The following DNAAF4 variants were observed in gnomAD, a reference collection of about 807,000 sequenced individuals.
DNAAF4 encodes the protein dynein assembly factor 4, axonemal.
DNAAF4 carries 43 observed loss-of-function variants against 51.8 expected under a neutral mutation model. The ratio of observed to expected loss-of-function variants is 0.83; its 90% CI spans 0.65 to 1.07. DNAAF4 has a LOEUF of 1.07. Among genes scored for constraint, DNAAF4 ranks in the 50% least tolerant of loss-of-function variants. DNAAF4 has a pLI of 0.00. For missense variants in DNAAF4, 581 were observed against 493.0 expected (o/e 1.18, Z -1.69); for synonymous variants, 194 against 165.6 (o/e 1.17, Z -1.32).
Position 55,483,833 on chromosome 15 carries a change from CTTT to C in DNAAF4, c.405+7287_405+7289del, listed in dbSNP as rs71105887. Among the ~76,000 whole-genome samples the C allele has an allele frequency of 3.6e-4, 30 of 82,446 alleles. No homozygotes were observed. The East Asian group carries it at 5.6e-3, about 15-fold the overall frequency. 54.1% of individuals were successfully genotyped at this position (82,446 alleles called of 152,430 possible). Reference sequence around the variant, plus strand: ...GAGCCATCACACCCAGCCAATAAAGCTTTTTTTTTTTTTTTTTTTTTTTTTTTT... The same window carrying C: ...GAGCCATCACACCCAGCCAATAAAGCTTTTTTTTTTTTTTTTTTTTTTTTT... On this transcript the variant is annotated intron_variant, in intron 4 of 9. Transcript: ENST00000321149.
intron 7 of DNAAF4, chr15:55,418,146 A>T: frequency 6.4e-7 from 1 of 1,569,678 alleles, no homozygotes; most frequent in Non-Finnish European, 8.6e-7. Flanking sequence ...GAAAAAGGGA[A>T]GTGGGTGGGA....
intron 4 of DNAAF4, among the ~76,000 whole-genome samples, chr15:55,469,471 A>ATTTT (rs1567021420): frequency 2.4e-4 from 17 of 70,402 alleles, no homozygotes; most frequent in South Asian, 4.8e-4. Flanking sequence ...ATGCTTACCA[A>ATTTT]TTCTTTTTTT....
At chr15:55,482,258 G>A (rs533075728) in intron 4 of DNAAF4, among the ~76,000 whole-genome samples, 1 of 152,290 alleles carries the variant, frequency 6.6e-6, no homozygotes, top group East Asian at 1.9e-4. Flanking sequence ...ATCATACATT[G>A]TTGGTGGGAA....
In DNAAF4 at chr15:55,434,926, C is replaced by T. The variant is rs747347407; in HGVS notation, c.1026G>A (p.Lys342=). 5.6e-6 allele frequency: 9 copies of T among 1,610,500 alleles called. No individual in the cohort carries two copies. Among genetic ancestry groups the T allele is most frequent in the Admixed American group, 3.4e-5 (2 of 59,056 alleles). The change falls in exon 8 of 10, where the codon AAG becomes AAA. Residue 342 remains lysine, a synonymous_variant. Transcript: ENST00000321149. ...ATACCTTAGAAGAATCTTCAATAGC[C>T]TTGTGTAAGTTTTTTAGTTTTAGGT... The part of the protein sequence containing the change: ...ACHLKLKNLH[K]AIEDSSKALE...
intron 7 of DNAAF4, among the ~76,000 whole-genome samples, chr15:55,424,672 C>A (rs2141385146): frequency 6.6e-6 from 1 of 152,326 alleles, no homozygotes; most frequent in South Asian, 2.1e-4. Flanking sequence ...AAGCGATTCT[C>A]CTGCCTCAGC....
rs1031868618 is a variant in DNAAF4, at chr15:55,491,264, G to C, written c.272-8C>G. 3 of 1,607,126 alleles carry C rather than the reference G, an allele frequency of 1.9e-6. No individual in the cohort carries two copies. Among genetic ancestry groups the C allele is most frequent in the Non-Finnish European group, 2.5e-6 (3 of 1,177,312 alleles). ...GCATCATCTCTTTGTCAACTAAAAT[G>C]TACAGAATATTGCTAAATTAGAATT... On this transcript the variant is annotated splice_polypyrimidine_tract_variant and splice_region_variant and intron_variant, in intron 3 of 9. Coordinates refer to ENST00000321149, the MANE Select transcript of DNAAF4 (RefSeq NM_130810.4).
At chr15:55,438,778 C>T (rs1482249101) in intron 7 of DNAAF4, among the ~76,000 whole-genome samples, 1 of 147,626 alleles carries the variant, frequency 6.8e-6, no homozygotes, top group African/African-American at 2.5e-5. Context: ...AAATGAGACA[C>T]TATCTCACAA....
chr15:55,445,267 C>G (rs917893697), intron 6 of DNAAF4, among the ~76,000 whole-genome samples: 28 of 152,014 alleles, frequency 1.8e-4, no homozygotes, highest in Middle Eastern at 6.8e-3. Flanking sequence ...TGCCTTCAAG[C>G]GTCTGTTTAA....
intron 7 of DNAAF4, chr15:55,418,618 G>A (rs1320715774): frequency 3.2e-6 from 4 of 1,251,100 alleles, no homozygotes; most frequent in Non-Finnish European, 4.3e-6. Context: ...CGGGAAAAAT[G>A]AGTGTTAAAT....
intron 7 of DNAAF4, among the ~76,000 whole-genome samples, chr15:55,419,328 T>C (rs1289645027): frequency 6.6e-6 from 1 of 152,078 alleles, no homozygotes; most frequent in Non-Finnish European, 1.5e-5. Context: ...GGGCTCAAAC[T>C]ATCCCCCACC....
downstream of DNAAF4, among the ~76,000 whole-genome samples, chr15:55,426,572 G>T (rs1010959249): frequency 2.6e-5 from 4 of 152,128 alleles, no homozygotes; most frequent in Non-Finnish European, 4.4e-5. Flanking sequence ...TGGGATTACA[G>T]GTGCTTGCCA....
chr15:55,450,185 C>T, intron 6 of DNAAF4, 37 bp downstream of exon 6: 1 of 1,538,122 alleles, frequency 6.5e-7, no homozygotes, highest in African/African-American at 1.4e-5. Context: ...AAAGTATTTT[C>T]ATTTGTGGTA....
At position 55,498,100 on chromosome 15, in the gene DNAAF4, A is replaced by G. The variant is rs28369251; in HGVS notation, c.123+107T>C. 133,216 of 1,563,256 alleles carry G rather than the reference A, an allele frequency of 0.085. 7,536 individuals are homozygous for G. The highest frequency in any genetic ancestry group is 0.28 in the African/African-American group (20,594 of 72,320). ...ATTTTTTTAATAGGATTAAAAATTTAGGACGTTTATCGGCAAAGATGAGCC... is the reference window on the plus strand; with the variant it reads ...ATTTTTTTAATAGGATTAAAAATTTGGGACGTTTATCGGCAAAGATGAGCC... On this transcript the variant is annotated intron_variant, in intron 2 of 9. Transcript: ENST00000321149.
At position 55,432,617 on chromosome 15, in the gene DNAAF4, A is replaced by T. The variant is rs369360982; in HGVS notation, c.1048-15T>A. 6.3e-7 allele frequency: 1 copy of T among 1,586,388 alleles called. No individual in the cohort carries two copies. The highest frequency in any genetic ancestry group is 1.1e-5 in the South Asian group (1 of 87,518). Reference sequence around the variant, plus strand: ...AATTCCAGTGCCTTACAAAATATATATAATTATTACAAGAAAGTTATAGTT... The same window carrying T: ...AATTCCAGTGCCTTACAAAATATATTTAATTATTACAAGAAAGTTATAGTT... On this transcript the variant is annotated splice_polypyrimidine_tract_variant and intron_variant, in intron 8 of 9. Transcript: ENST00000321149.
At position 55,500,247 on chromosome 15, in the gene DNAAF4, C is replaced by A. The variant is rs2058688738; in HGVS notation, c.-255-1663G>T. 7.2e-5 allele frequency among the ~76,000 whole-genome samples: 11 copies of A among 152,284 alleles called. No individual in the cohort carries two copies. The South Asian group carries it at 2.3e-3, about 32-fold the overall frequency. Reference sequence around the variant, plus strand: ...TCTTTTCCCCAAAATAGGGCACACTCACTACCTTAGCAGTTCATCATCTCA... The same window carrying A: ...TCTTTTCCCCAAAATAGGGCACACTAACTACCTTAGCAGTTCATCATCTCA... On this transcript the variant is annotated intron_variant, in intron 1 of 9. Coordinates refer to ENST00000321149, the MANE Select transcript of DNAAF4 (RefSeq NM_130810.4).
intron 4 of DNAAF4, among the ~76,000 whole-genome samples, chr15:55,468,246 C>G (rs575680010): frequency 6.6e-6 from 1 of 152,228 alleles, no homozygotes; most frequent in East Asian, 1.9e-4. Flanking sequence ...TTTAACATTA[C>G]GAGTATGAAA....
intron 4 of DNAAF4, among the ~76,000 whole-genome samples, chr15:55,482,452 G>A: frequency 6.6e-6 from 1 of 152,088 alleles, no homozygotes; most frequent in Non-Finnish European, 1.5e-5. Context: ...CGAGGTGGGT[G>A]GATCACCTGA....
chr15:55,428,484 C>CTTTTTTTTTTTTTT (rs747325376), downstream of DNAAF4, among the ~76,000 whole-genome samples: 32 of 85,086 alleles, frequency 3.8e-4, no homozygotes, highest in South Asian at 4.8e-4. Context: ...TCTTTTTTTT[C>CTTTTTTTTTTTTTT]TTTTTTTTTT....
intron 2 of DNAAF4, 121 bp from the exon 3 acceptor site, chr15:55,497,980 TGA>T: frequency 7.2e-7 from 1 of 1,386,456 alleles, no homozygotes. Flanking sequence ...TGCCAGGTAG[TGA>T]AAGATTAGCA....
Sources: allele counts gnomAD v4.1 joint callset (sites outside exome capture counted in the v4.1 genomes callset), GRCh38; gene constraint gnomAD v4.1.1; transcripts MANE v1.5; gene names NCBI Gene and HGNC (gene_info 2026-07-23, HGNC 2026-07-21).